Variants in ZDHHC2 observed in about 807,000 individuals in gnomAD.
ZDHHC2 encodes the protein palmitoyltransferase ZDHHC2.
ZDHHC2 carries 51 observed loss-of-function variants against 55.6 expected under a neutral mutation model. The ratio of observed to expected loss-of-function variants is 0.92; its 90% confidence interval spans 0.73 to 1.16. ZDHHC2 has a LOEUF of 1.16. ZDHHC2 is among the 50% of genes most tolerant of loss of function. The probability of loss-of-function intolerance (pLI) is 0.00; values close to 1 mark genes in which losing one functional copy is unlikely to be tolerated. For missense variants in ZDHHC2, 491 were observed against 442.4 expected, an observed-to-expected ratio of 1.11 and a Z score of -0.99; for synonymous variants, 199 against 152.9, an observed-to-expected ratio of 1.30 and a Z score of -2.22.
intron 1 of ZDHHC2, among the ~76,000 whole-genome samples, chr8:17,157,887 C>T (rs944691730): frequency 2.6e-5 from 4 of 152,154 alleles, no homozygotes; most frequent in Admixed American, 2.6e-4. Context: ...TTCACAAGCT[C>T]AGCATTTTCA....
chr8:17,167,403 T>G (rs1019429178), intron 1 of ZDHHC2, among the ~76,000 whole-genome samples: 4 of 150,424 alleles, frequency 2.7e-5, no homozygotes, highest in African/African-American at 9.8e-5. Flanking sequence ...CCTCCCGAGT[T>G]CAAGTAATTC....
At chr8:17,172,878 G>A (rs148294719) in intron 1 of ZDHHC2, among the ~76,000 whole-genome samples, 1 of 152,108 alleles carries the variant, frequency 6.6e-6, no homozygotes. Flanking sequence ...CCCAGAGCCC[G>A]GTTCCTCCCC....
chr8:17,174,096 C>T (rs1250959700), intron 1 of ZDHHC2, among the ~76,000 whole-genome samples: 2 of 141,922 alleles, frequency 1.4e-5, no homozygotes, highest in South Asian at 2.3e-4. Context: ...TCTTCTTCTT[C>T]TTTTTTTTTT....
chr8:17,215,499 A>G (rs1807606370), intron 11 of ZDHHC2, 150 bp downstream of exon 11: 2 of 717,652 alleles, frequency 2.8e-6, no homozygotes, highest in South Asian at 1.7e-5. Context: ...TCAAAGAACT[A>G]TTTATGAGGT....
intron 7 of ZDHHC2, among the ~76,000 whole-genome samples, chr8:17,206,743 T>G (rs1807118565): frequency 6.6e-6 from 1 of 152,220 alleles, no homozygotes; most frequent in African/African-American, 2.4e-5. Context: ...GTCCTCCTTG[T>G]GAACACCAAA....
rs527584554 is a variant in ZDHHC2, at chr8:17,211,097, A to C, written c.950+617A>C. Among the ~76,000 whole-genome samples, 3 of 152,332 alleles carry C rather than the reference A, an allele frequency of 2.0e-5. No individual in the cohort carries two copies. In the South Asian group the frequency reaches 6.2e-4, roughly 32 times the overall value. On this transcript the variant is annotated intron_variant, in intron 10 of 12. Transcript: ENST00000262096. ...CTATCAAGAATTTGAGGCTGGCCAG[A>C]GAAAGACCTGACATTTCATTCTGAA... is the stretch of plus-strand genomic sequence containing the variant.
At chr8:17,199,677 CTT>C (rs1308490771) in intron 6 of ZDHHC2, among the ~76,000 whole-genome samples, 50 of 133,978 alleles carry the variant, frequency 3.7e-4, no homozygotes, top group Non-Finnish European at 7.8e-4. Flanking sequence ...CCTCCTTCTT[CTT>C]CTTCTTTTCT....
At chr8:17,166,442 G>A (rs1804603853) in intron 1 of ZDHHC2, among the ~76,000 whole-genome samples, 1 of 152,168 alleles carries the variant, frequency 6.6e-6, no homozygotes, top group Non-Finnish European at 1.5e-5. Flanking sequence ...TCTGGAATGG[G>A]TGTGCTGTCA....
chr8:17,176,576 T>C (rs1258664305), intron 1 of ZDHHC2, among the ~76,000 whole-genome samples: 1 of 151,950 alleles, frequency 6.6e-6, no homozygotes, highest in East Asian at 1.9e-4. Flanking sequence ...CTCAGCTGAG[T>C]GCCGTGATCA....
intron 1 of ZDHHC2, among the ~76,000 whole-genome samples, chr8:17,179,328 G>A (rs1053101329): frequency 3.9e-5 from 6 of 152,162 alleles, no homozygotes; most frequent in African/African-American, 1.4e-4. Flanking sequence ...AATACAACTG[G>A]TGACCCAATC....
chr8:17,202,283 C>A (rs896401344), intron 6 of ZDHHC2, among the ~76,000 whole-genome samples: 3 of 134,948 alleles, frequency 2.2e-5, no homozygotes, highest in Non-Finnish European at 3.3e-5. Context: ...TGCAGTGGCA[C>A]GATCTTGGCT....
intron 1 of ZDHHC2, among the ~76,000 whole-genome samples, chr8:17,178,353 A>G (rs35133249): frequency 0.12 from 17,985 of 152,186 alleles, 1,289 homozygotes; most frequent in Middle Eastern, 0.2. Context: ...CTAAATTAAT[A>G]TATATAAATC....
intron 7 of ZDHHC2, among the ~76,000 whole-genome samples, chr8:17,206,096 T>C (rs760440172): frequency 6.6e-6 from 1 of 152,188 alleles, no homozygotes; most frequent in Non-Finnish European, 1.5e-5. Context: ...TATAAACAAG[T>C]GTGCTTTCCA....
intron 1 of ZDHHC2, chr8:17,163,028 C>T (rs1804424230): frequency 6.6e-6 from 1 of 152,286 alleles, no homozygotes; most frequent in East Asian, 1.9e-4. Flanking sequence ...TCCCTCACTT[C>T]TTACCCGATG....
chr8:17,206,532 T>TAA (rs944879257), intron 7 of ZDHHC2, among the ~76,000 whole-genome samples: 1 of 152,190 alleles, frequency 6.6e-6, no homozygotes, highest in African/African-American at 2.4e-5. Flanking sequence ...GATGACTATA[T>TAA]AAGATTTTTT....
intron 1 of ZDHHC2, among the ~76,000 whole-genome samples, chr8:17,168,367 A>C (rs554208698): frequency 6.6e-6 from 1 of 152,324 alleles, no homozygotes; most frequent in African/African-American, 2.4e-5. Flanking sequence ...ACAACAGTGA[A>C]AACTTTTAAC....
chr8:17,201,881 A>G (rs1481820969), intron 6 of ZDHHC2, among the ~76,000 whole-genome samples: 1 of 152,074 alleles, frequency 6.6e-6, no homozygotes, highest in Non-Finnish European at 1.5e-5. Flanking sequence ...CATTGGATCA[A>G]CAATACCTCT....
Position 17,191,079 on chromosome 8 carries a change from A to G in ZDHHC2, c.253-4425A>G, listed in dbSNP as rs955909155. On this transcript the variant is annotated intron_variant, in intron 3 of 12. Transcript: ENST00000262096. The stretch of plus-strand genomic sequence containing the variant: ...TGGTTTCAAGGGATTCTCCTGCCTC[A>G]GCCTCCCAAGTAGCTGGGATTACAA... 2.0e-5 allele frequency among the ~76,000 whole-genome samples: 3 copies of G among 147,216 alleles called. No homozygotes were observed. The South Asian group carries it at 6.4e-4, about 31-fold the overall frequency.
rs1804052795 is a variant in ZDHHC2 at position 17,156,537 on chromosome 8, C to T, written c.-187C>T. The stretch of plus-strand genomic sequence containing the variant: ...CTCCGCCTCCGCCGGGCTGAGGAGC[C>T]GGGAGTCCGCCGCGCCGGCTCGGGG... On this transcript the variant is annotated 5_prime_UTR_variant, in exon 1 of 13. Transcript: ENST00000262096. 4 of 247,328 alleles carry T rather than the reference C, an allele frequency of 1.6e-5. No homozygotes were observed. Among genetic ancestry groups the T allele is most frequent in the Non-Finnish European group, 2.6e-5 (4 of 154,508 alleles). The allele number at this position is 247,328 out of a possible 1,614,324, so 15.3% of individuals were successfully genotyped here. A position where few individuals can be genotyped will look rare whatever the true frequency, so the allele number is the denominator to read the frequency against.
Sources: allele counts gnomAD v4.1 joint callset (sites outside exome capture counted in the v4.1 genomes callset), GRCh38; gene constraint gnomAD v4.1.1; transcripts MANE v1.5; gene names NCBI Gene and HGNC (gene_info 2026-07-23, HGNC 2026-07-21).